WDR44: variants seen among roughly 807,000 people sequenced by gnomAD.
WDR44 encodes WD repeat domain 44.
In WDR44, 9 loss-of-function variants were observed where a neutral mutation model predicts 65.7. The observed-to-expected ratio is 0.14, with a 90% CI of 0.08 to 0.24. The LOEUF (loss-of-function observed/expected upper bound fraction) is 0.24, where lower values mean the gene tolerates loss of function less well. Ranked by LOEUF, WDR44 falls within the 10% of genes least tolerant of loss-of-function variation. WDR44 has a pLI of 1.00. For synonymous variants in WDR44, 220 were observed against 235.2 expected, an observed-to-expected ratio of 0.94 and a Z score of 0.59; for missense variants, 425 against 670.9, an observed-to-expected ratio of 0.63 and a Z score of 4.05.
chrX:118,382,025 A>G (rs895438399), intron 2 of WDR44, among the ~76,000 whole-genome samples: 10 of 110,573 alleles, frequency 9.0e-5, no homozygotes, highest in Non-Finnish European at 1.7e-4. Context: ...CCCCACACCC[A>G]GCTATTTTAT....
Position 118,444,348 on chromosome X carries a change from T to C in WDR44, c.2513-12T>C. ...AATTTGTCAGTTATCCTGAAGTAAATTTTTTCCACAGCCCACAATGCAGTT... is the reference window on the plus strand; with the variant it reads ...AATTTGTCAGTTATCCTGAAGTAAACTTTTTCCACAGCCCACAATGCAGTT... On this transcript the variant is annotated splice_polypyrimidine_tract_variant and intron_variant, in intron 18 of 19. Transcript: ENST00000254029. The C allele has an allele frequency of 8.3e-7, 1 of 1,200,888 alleles. No homozygotes were observed. Among genetic ancestry groups the C allele is most frequent in the South Asian group, 1.8e-5 (1 of 55,267 alleles).
At chrX:118,432,484 C>T (rs1412161531) in intron 12 of WDR44, among the ~76,000 whole-genome samples, 2 of 111,784 alleles carry the variant, frequency 1.8e-5, no homozygotes, top group Non-Finnish European at 3.8e-5. Context: ...AATCATGATT[C>T]ACTCGCTGGT....
intron 18 of WDR44, among the ~76,000 whole-genome samples, chrX:118,443,919 G>A (rs1042962827): frequency 2.7e-5 from 3 of 110,723 alleles, no homozygotes; most frequent in African/African-American, 9.9e-5. Flanking sequence ...AGTGGCACAC[G>A]TCTGTAGTCC....
intron 19 of WDR44, chrX:118,447,013 G>C (rs1284148386): frequency 3.2e-6 from 1 of 310,034 alleles, no homozygotes; most frequent in African/African-American, 2.8e-5. Flanking sequence ...AGGACTACAC[G>C]TACTACCATG....
At chrX:118,382,691 T>C (rs1165932136) in intron 2 of WDR44, among the ~76,000 whole-genome samples, 1 of 111,907 alleles carries the variant, frequency 8.9e-6, no homozygotes, top group Non-Finnish European at 1.9e-5. Flanking sequence ...TGAAATCTTA[T>C]AACCAAATAC....
At chrX:118,372,851 G>A (rs752464062) in intron 1 of WDR44, among the ~76,000 whole-genome samples, 1 of 112,225 alleles carries the variant, frequency 8.9e-6, no homozygotes, top group Admixed American at 9.4e-5. Flanking sequence ...CACTTTGAGA[G>A]GCTGAGGAGG....
At chrX:118,435,229 A>C (rs1411763272) in intron 13 of WDR44, among the ~76,000 whole-genome samples, 2 of 112,204 alleles carry the variant, frequency 1.8e-5, no homozygotes, top group Non-Finnish European at 3.8e-5. Context: ...CAAAGCAATG[A>C]GCTATTGCAG....
intron 1 of WDR44, among the ~76,000 whole-genome samples, chrX:118,371,586 A>C (rs952788367): frequency 9.0e-6 from 1 of 111,688 alleles, no homozygotes; most frequent in African/African-American, 3.2e-5. Flanking sequence ...TAGGTGAGCA[A>C]GGAAGCCTAG....
intron 1 of WDR44, among the ~76,000 whole-genome samples, chrX:118,352,352 A>ATATTTTTTTTTTTTTTT (rs1357425730): frequency 1.4e-4 from 2 of 14,222 alleles, no homozygotes; most frequent in Admixed American, 1.8e-3. Context: ...ATATATATAT[A>ATATTTTTTTTTTTTTTT]TTTTTTTTTT....
At chrX:118,382,626 G>A (rs2056728953) in intron 2 of WDR44, among the ~76,000 whole-genome samples, 1 of 111,714 alleles carries the variant, frequency 9.0e-6, no homozygotes, top group African/African-American at 3.3e-5. Context: ...TTCTGTGAGT[G>A]TAGATCACTT....
chrX:118,437,781 TAA>T (rs2057265832), intron 14 of WDR44, among the ~76,000 whole-genome samples: 1 of 111,754 alleles, frequency 8.9e-6, no homozygotes, highest in African/African-American at 3.3e-5. Flanking sequence ...CTCACACCTG[TAA>T]TCCCAGCACT....
chrX:118,386,295 A>G (rs962553048), intron 2 of WDR44: 1 of 311,900 alleles, frequency 3.2e-6, no homozygotes, highest in Non-Finnish European at 6.1e-6. Context: ...ATAAATAGAC[A>G]ACTTAAGATT....
At position 118,398,253 on chromosome X, in the gene WDR44, A is replaced by T. The variant is rs570575630; in HGVS notation, c.1191-134A>T. ...CTCCATCTCCTAAATAAATAAATAA[A>T]TAATTAAAATTATGTAAAGCTTATT... On this transcript the variant is annotated intron_variant, in intron 7 of 19. Coordinates refer to ENST00000254029, the MANE Select transcript of WDR44 (RefSeq NM_019045.5). The T allele has an allele frequency of 3.2e-4, 134 of 419,470 alleles. 1 individual carries two copies. In the South Asian group the frequency reaches 6.1e-3, roughly 19 times the overall value. 34.6% of individuals were successfully genotyped at this position (419,470 alleles called of 1,213,427 possible). A position where few individuals can be genotyped will look rare whatever the true frequency, so the allele number is the denominator to read the frequency against.
At chrX:118,369,842 T>A (rs2056598632) in intron 1 of WDR44, among the ~76,000 whole-genome samples, 1 of 112,198 alleles carries the variant, frequency 8.9e-6, no homozygotes, top group Admixed American at 9.5e-5. Flanking sequence ...GCTGAAGTAC[T>A]AATCTTAAAA....
intron 12 of WDR44, among the ~76,000 whole-genome samples, chrX:118,415,097 G>A (rs2057046307): frequency 1.8e-5 from 2 of 111,793 alleles, no homozygotes; most frequent in Non-Finnish European, 3.8e-5. Context: ...AAGGATGCTG[G>A]ATTTTGTCAA....
intron 1 of WDR44, among the ~76,000 whole-genome samples, chrX:118,351,961 A>G (rs912349609): frequency 8.4e-5 from 9 of 107,664 alleles, no homozygotes; most frequent in African/African-American, 3.1e-4. Context: ...TAAATAAACA[A>G]TTTATATTTA....
chrX:118,393,980 C>A, intron 4 of WDR44, 75 bp from the exon 5 acceptor site: 1 of 961,304 alleles, frequency 1.0e-6, no homozygotes, highest in Non-Finnish European at 1.4e-6. Flanking sequence ...GTAATCAAGC[C>A]ACTTTCCTCA....
intron 3 of WDR44, among the ~76,000 whole-genome samples, chrX:118,390,496 A>T (rs1265632045): frequency 8.9e-6 from 1 of 111,917 alleles, no homozygotes; most frequent in African/African-American, 3.3e-5. Flanking sequence ...ACTATACTGA[A>T]CAGTAAGAAT....
At chrX:118,378,304 A>G in intron 1 of WDR44, 115 bp from the exon 2 acceptor site, 1 of 618,999 alleles carries the variant, frequency 1.6e-6, no homozygotes, top group East Asian at 3.5e-5. Flanking sequence ...AAGACTTTTC[A>G]GTCACAAAAT....
Sources: gnomAD v4.1 joint callset for allele counts (sites outside exome capture counted in the v4.1 genomes callset) on GRCh38, gnomAD v4.1.1 for gene constraint, MANE v1.5 for transcripts, NCBI Gene and HGNC (gene_info 2026-07-23, HGNC 2026-07-21) for gene names.